The following CADM2 variants were observed in gnomAD, a reference collection of about 807,000 sequenced individuals.
CADM2 encodes immunoglobulin superfamily member 4D.
A neutral mutation model predicts 49.8 loss-of-function variants in CADM2; 12 were observed. The observed-to-expected ratio is 0.24, with a 90% CI of 0.15 to 0.39. The LOEUF (loss-of-function observed/expected upper bound fraction) is 0.39, where lower values mean the gene tolerates loss of function less well. Among genes scored for constraint, CADM2 ranks in the 10% least tolerant of loss-of-function variants. The pLI, the probability that CADM2 is intolerant of heterozygous loss-of-function variation, is 1.00. For synonymous variants in CADM2, 214 were observed against 175.4 expected (o/e 1.22, Z -1.74); for missense variants, 378 against 492.3 (o/e 0.77, Z 2.20).
intron 3 of CADM2, among the ~76,000 whole-genome samples, chr3:85,838,042 A>T (rs765548074): frequency 6.6e-6 from 1 of 151,778 alleles, no homozygotes; most frequent in Non-Finnish European, 1.5e-5. Flanking sequence ...GATTATCTTC[A>T]ATGTTTGTTT....
intron 1 of CADM2, among the ~76,000 whole-genome samples, chr3:85,382,063 A>C (rs1400631902): frequency 1.3e-5 from 2 of 152,106 alleles, no homozygotes; most frequent in African/African-American, 2.4e-5. Context: ...ACTCTGAAAC[A>C]CTGCAGTGTG....
chr3:85,233,627 T>G (rs1043023928), intron 1 of CADM2, among the ~76,000 whole-genome samples: 2 of 152,134 alleles, frequency 1.3e-5, no homozygotes, highest in South Asian at 4.1e-4. Flanking sequence ...TTTCATGGCT[T>G]TATGTATATT....
chr3:85,868,364 T>A (rs2075798290), intron 3 of CADM2, among the ~76,000 whole-genome samples: 1 of 152,082 alleles, frequency 6.6e-6, no homozygotes, highest in Admixed American at 6.5e-5. Context: ...TTATTATAAA[T>A]CTATGATGAC....
At chr3:85,204,448 G>A (rs1047042677) in intron 1 of CADM2, among the ~76,000 whole-genome samples, 1 of 151,864 alleles carries the variant, frequency 6.6e-6, no homozygotes, top group Non-Finnish European at 1.5e-5. Context: ...CTCCTATTTC[G>A]ACCTTATTTA....
chr3:85,524,829 C>A (rs1446884446), intron 1 of CADM2, among the ~76,000 whole-genome samples: 1 of 152,152 alleles, frequency 6.6e-6, no homozygotes, highest in Non-Finnish European at 1.5e-5. Context: ...CTCAATATTA[C>A]ATGTGTAAAT....
At chr3:85,927,763 G>A (rs901181664) in intron 6 of CADM2, among the ~76,000 whole-genome samples, 3 of 152,062 alleles carry the variant, frequency 2.0e-5, no homozygotes, top group African/African-American at 4.8e-5. Flanking sequence ...TCCATAACAG[G>A]TTAAGTGTTG....
At chr3:85,915,996 A>C (rs903334465) in intron 6 of CADM2, among the ~76,000 whole-genome samples, 1 of 152,164 alleles carries the variant, frequency 6.6e-6, no homozygotes, top group Non-Finnish European at 1.5e-5. Flanking sequence ...CAAGAGGCAT[A>C]ATGAAAAAAG....
intron 1 of CADM2, among the ~76,000 whole-genome samples, chr3:85,366,682 C>G (rs1284743860): frequency 6.6e-6 from 1 of 152,050 alleles, no homozygotes; most frequent in Non-Finnish European, 1.5e-5. Flanking sequence ...TTTTAAATGA[C>G]TTGAAATACC....
chr3:85,705,505 T>C (rs904168248), intron 1 of CADM2, among the ~76,000 whole-genome samples: 1 of 152,202 alleles, frequency 6.6e-6, no homozygotes, highest in Non-Finnish European at 1.5e-5. Context: ...CAATACACAC[T>C]GTATAGACAA....
At chr3:85,920,775 T>C (rs983226661) in intron 6 of CADM2, among the ~76,000 whole-genome samples, 1 of 151,588 alleles carries the variant, frequency 6.6e-6, no homozygotes, top group Non-Finnish European at 1.5e-5. Flanking sequence ...ATATTATTAA[T>C]AGTACGTAAC....
intron 1 of CADM2, among the ~76,000 whole-genome samples, chr3:84,971,595 C>A (rs954241012): frequency 2.6e-5 from 4 of 151,388 alleles, no homozygotes; most frequent in African/African-American, 9.7e-5. Context: ...GTGGAAGTCA[C>A]TAATTTATTT....
intron 1 of CADM2, among the ~76,000 whole-genome samples, chr3:85,040,467 A>C (rs2035390691): frequency 6.6e-6 from 1 of 152,154 alleles, no homozygotes; most frequent in African/African-American, 2.4e-5. Context: ...TCTGAAACTG[A>C]GCAACACTTA....
chr3:85,434,079 C>T (rs1338166567), intron 1 of CADM2, among the ~76,000 whole-genome samples: 5 of 151,990 alleles, frequency 3.3e-5, no homozygotes, highest in African/African-American at 1.2e-4. Flanking sequence ...AAATTATTCT[C>T]TGCTAATTTT....
At chr3:85,916,200 T>C (rs1718289786) in intron 6 of CADM2, among the ~76,000 whole-genome samples, 1 of 152,166 alleles carries the variant, frequency 6.6e-6, no homozygotes, top group Non-Finnish European at 1.5e-5. Context: ...CTTTAAGTTT[T>C]AGGGTACATG....
intron 1 of CADM2, among the ~76,000 whole-genome samples, chr3:85,134,435 G>A (rs1426229762): frequency 1.3e-5 from 2 of 152,226 alleles, no homozygotes; most frequent in African/African-American, 2.4e-5. Flanking sequence ...AATACCACAC[G>A]CTATACTAGT....
chr3:85,562,924 T>C (rs960532973), intron 1 of CADM2, among the ~76,000 whole-genome samples: 5 of 152,168 alleles, frequency 3.3e-5, no homozygotes, highest in African/African-American at 9.7e-5. Context: ...AGGAAAGTTA[T>C]TGTACAAGAA....
intron 1 of CADM2, among the ~76,000 whole-genome samples, chr3:85,415,170 T>C (rs2035857509): frequency 1.3e-5 from 2 of 152,254 alleles, no homozygotes; most frequent in South Asian, 4.1e-4. Context: ...ACTTTGTATC[T>C]TCAGAAAATA....
chr3:85,090,972 A>T (rs368290660), intron 1 of CADM2, among the ~76,000 whole-genome samples: 2 of 152,266 alleles, frequency 1.3e-5, no homozygotes, highest in African/African-American at 2.4e-5. Flanking sequence ...GACTTAAAGC[A>T]TGGTGGGGCC....
chr3:85,868,766 T>C (rs2075813871), intron 3 of CADM2, among the ~76,000 whole-genome samples: 1 of 152,178 alleles, frequency 6.6e-6, no homozygotes. Context: ...CCTTCTCTTG[T>C]ATGTACTACC....
Sources: gnomAD v4.1 joint callset for allele counts (sites outside exome capture counted in the v4.1 genomes callset) on GRCh38, gnomAD v4.1.1 for gene constraint, MANE v1.5 for transcripts, NCBI Gene and HGNC (gene_info 2026-07-23, HGNC 2026-07-21) for gene names.